LLPH: variants seen among roughly 807,000 people sequenced by gnomAD.
LLPH encodes LLP homolog, long-term synaptic facilitation factor, also known as protein LLP homolog.
A neutral mutation model predicts 13.3 loss-of-function variants in LLPH; 5 were observed. The ratio of observed to expected loss-of-function variants is 0.38; its 90% confidence interval spans 0.20 to 0.79. The LOEUF (loss-of-function observed/expected upper bound fraction) is 0.79. LLPH is among the 30% of genes least tolerant of loss of function. The probability of loss-of-function intolerance (pLI) is 0.45; values close to 1 mark genes in which losing one functional copy is unlikely to be tolerated. For missense variants in LLPH, 129 were observed against 152.1 expected (o/e 0.85, Z 0.80); for synonymous variants, 32 against 44.2 (o/e 0.72, Z 1.09).
In LLPH at chr12:66,117,687, T is replaced by C. The variant is rs961581224; in HGVS notation, c.*6153A>G. On this transcript the variant is annotated 3_prime_UTR_variant, in exon 3 of 3. Coordinates refer to ENST00000266604, the MANE Select transcript of LLPH (RefSeq NM_032338.4). Reference sequence around the variant, plus strand: ...CCAGAAGGTATTGCACAAGAAGGTGTTGCTCTCATAGGAGATGGCAACTCC... The same window carrying C: ...CCAGAAGGTATTGCACAAGAAGGTGCTGCTCTCATAGGAGATGGCAACTCC... 6.6e-6 allele frequency: 1 copy of C among 152,236 alleles called. No individual in the cohort carries two copies. Among genetic ancestry groups the C allele is most frequent in the African/African-American group, 2.4e-5 (1 of 41,464 alleles). 9.4% of individuals were successfully genotyped at this position (152,236 alleles called of 1,614,324 possible). A position where few individuals can be genotyped will look rare whatever the true frequency, so the allele number is the denominator to read the frequency against.
rs1023373695 is a variant in LLPH at position 66,120,650 on chromosome 12, A to G, written c.*3190T>C. On this transcript the variant is annotated 3_prime_UTR_variant, in exon 3 of 3. Coordinates refer to ENST00000266604, the MANE Select transcript of LLPH (RefSeq NM_032338.4). ...TTAGCTCACTCAATCTAATTCCAAAATGATTTGGTGCTTAGCTTGAGCTCC... is the reference window on the plus strand; with the variant it reads ...TTAGCTCACTCAATCTAATTCCAAAGTGATTTGGTGCTTAGCTTGAGCTCC... The G allele has an allele frequency of 1.4e-4, 22 of 152,242 alleles. No individual in the cohort carries two copies. Among genetic ancestry groups the G allele is most frequent in the Non-Finnish European group, 2.8e-4 (19 of 68,036 alleles). The allele number at this position is 152,242 out of a possible 1,614,324, so 9.4% of individuals were successfully genotyped here.
At chr12:66,128,848 C>CAAA (rs71096072) in intron 2 of LLPH, 48 bp downstream of exon 2, 838 of 996,428 alleles carry the variant, frequency 8.4e-4, no homozygotes, top group East Asian at 2.8e-3. Context: ...GACCCTGCCT[C>CAAA]AAAAAAAAAA....
At chr12:66,127,479 G>C (rs1316868124) in intron 2 of LLPH, among the ~76,000 whole-genome samples, 1 of 152,008 alleles carries the variant, frequency 6.6e-6, no homozygotes, top group Non-Finnish European at 1.5e-5. Context: ...CACATGAAAA[G>C]AGCATATTAG....
intron 1 of LLPH, 187 bp downstream of exon 1, chr12:66,130,518 T>C (rs2051528463): frequency 6.6e-6 from 1 of 152,182 alleles, no homozygotes; most frequent in Non-Finnish European, 1.5e-5. Context: ...CTTTATCCAG[T>C]GCACTCGGAA....
rs952671672 is a variant in LLPH, at chr12:66,125,777, T to C, written c.212-1759A>G. ...AATCATCATTGTAGTGCCACACTTT[T>C]AAATACAAACAATGACCACTGATCA... On this transcript the variant is annotated intron_variant, in intron 2 of 2. Transcript: ENST00000266604. Among the ~76,000 whole-genome samples, 14 of 152,200 alleles carry C rather than the reference T, an allele frequency of 9.2e-5. No individual in the cohort carries two copies. In the South Asian group the frequency reaches 2.7e-3, roughly 29 times the overall value.
Position 66,129,028 on chromosome 12 carries a change from T to A in LLPH, c.79A>T (p.Ser27Cys). ...AGTTTGAGAATACTTTTAAGCCTGC[T>A]GGCCTCCTTTGGGGCATTCTTTTTT... ...KRKKNAPKEA[S>C]RLKSILKLDG... Residue 27 changes from serine (S) to cysteine (C), a missense_variant, in exon 2 of 3, where the codon AGC becomes TGC. Transcript: ENST00000266604. 5.0e-6 allele frequency: 8 copies of A among 1,610,968 alleles called. No homozygotes were observed. Among genetic ancestry groups the A allele is most frequent in the Non-Finnish European group, 6.8e-6 (8 of 1,177,186 alleles).
intron 2 of LLPH, among the ~76,000 whole-genome samples, chr12:66,127,045 A>G (rs1477816370): frequency 6.6e-6 from 1 of 152,264 alleles, no homozygotes; most frequent in Non-Finnish European, 1.5e-5. Context: ...ATACCCTCGA[A>G]GATGGCTATA....
chr12:66,119,370 T>A lies in LLPH; in HGVS notation c.*4470A>T, dbSNP rs549445106. On this transcript the variant is annotated 3_prime_UTR_variant, in exon 3 of 3. Transcript: ENST00000266604. ...AATAACTGCAAAAGACTCTTGGCAT[T>A]CAACTGCGGAAAATTTAGGGTTTTG... 5.9e-5 allele frequency: 9 copies of A among 152,330 alleles called. No homozygotes were observed. The highest frequency in any genetic ancestry group is 1.3e-4 in the Non-Finnish European group (9 of 68,028). 9.4% of individuals were successfully genotyped at this position (152,330 alleles called of 1,614,324 possible). A position where few individuals can be genotyped will look rare whatever the true frequency, so the allele number is the denominator to read the frequency against.
At chr12:66,124,433 C>T (rs188334283) in intron 2 of LLPH, among the ~76,000 whole-genome samples, 9 of 152,202 alleles carry the variant, frequency 5.9e-5, no homozygotes, top group South Asian at 2.1e-4. Flanking sequence ...CTAATGAACT[C>T]GATGGAGTAG....
At position 66,121,215 on chromosome 12, in the gene LLPH, G is replaced by A. The variant is rs892925888; in HGVS notation, c.*2625C>T. On this transcript the variant is annotated 3_prime_UTR_variant, in exon 3 of 3. Coordinates refer to ENST00000266604, the MANE Select transcript of LLPH (RefSeq NM_032338.4). The stretch of plus-strand genomic sequence containing the variant: ...AAACATGAACATAACCCTGGCATTG[G>A]TCTCTACCTGACAATGCTGCCAAAA... The A allele has an allele frequency of 6.6e-6, 1 of 151,428 alleles. No homozygotes were observed. The highest frequency in any genetic ancestry group is 2.4e-5 in the African/African-American group (1 of 41,190). 9.4% of individuals were successfully genotyped at this position (151,428 alleles called of 1,614,324 possible).
rs540867665 is a variant in LLPH, at chr12:66,118,832, C to T, written c.*5008G>A. ...CAAATATTTCACCAGTTTATGTAAG[C>T]GATTCGAGCATCTGTGGATTTTGGT... On this transcript the variant is annotated 3_prime_UTR_variant, in exon 3 of 3. Coordinates refer to ENST00000266604, the MANE Select transcript of LLPH (RefSeq NM_032338.4). The T allele has an allele frequency of 2.0e-5, 3 of 152,104 alleles. No homozygotes were observed. The highest frequency in any genetic ancestry group is 4.4e-5 in the Non-Finnish European group (3 of 68,038). 9.4% of individuals were successfully genotyped at this position (152,104 alleles called of 1,614,324 possible).
intron 2 of LLPH, among the ~76,000 whole-genome samples, chr12:66,126,107 G>A (rs1299515457): frequency 6.6e-6 from 1 of 151,600 alleles, no homozygotes; most frequent in Non-Finnish European, 1.5e-5. Flanking sequence ...GGTGGATCAC[G>A]AGGTCAGGAG....
intron 2 of LLPH, 68 bp downstream of exon 2, chr12:66,128,828 A>G: frequency 9.2e-7 from 1 of 1,087,038 alleles, no homozygotes; most frequent in Non-Finnish European, 1.4e-6. Flanking sequence ...CCTAGGTGAC[A>G]GAGGAAGGAG....
At chr12:66,129,145 A>C in intron 1 of LLPH, 32 bp from the exon 2 acceptor site, 1 of 1,402,118 alleles carries the variant, frequency 7.1e-7, no homozygotes, top group East Asian at 2.3e-5. Context: ...ATTCAAAAGC[A>C]AATCTTTAAT....
intron 2 of LLPH, among the ~76,000 whole-genome samples, chr12:66,127,292 T>C (rs1044625551): frequency 6.6e-6 from 1 of 152,212 alleles, no homozygotes; most frequent in Non-Finnish European, 1.5e-5. Flanking sequence ...GTTGAATGGA[T>C]ATGAAACGTG....
intron 2 of LLPH, among the ~76,000 whole-genome samples, chr12:66,125,727 C>T (rs2051492325): frequency 1.3e-5 from 2 of 152,144 alleles, no homozygotes; most frequent in African/African-American, 4.8e-5. Context: ...GACCCTCTCC[C>T]ACACCTTGTC....
chr12:66,129,976 A>T (rs1359051827), intron 1 of LLPH, among the ~76,000 whole-genome samples: 2 of 151,956 alleles, frequency 1.3e-5, no homozygotes, highest in East Asian at 3.9e-4. Flanking sequence ...CCTCATATAT[A>T]TTCAAGATCT....
At chr12:66,126,180 C>T (rs1200931730) in intron 2 of LLPH, among the ~76,000 whole-genome samples, 4 of 151,752 alleles carry the variant, frequency 2.6e-5, no homozygotes, top group Non-Finnish European at 5.9e-5. Context: ...AAAAATTAGC[C>T]GGGTGTGATC....
intron 2 of LLPH, among the ~76,000 whole-genome samples, chr12:66,124,447 G>A (rs2051484170): frequency 6.6e-6 from 1 of 152,180 alleles, no homozygotes; most frequent in South Asian, 2.1e-4. Context: ...GGAGTAGTCA[G>A]CAGCAGGGTT....
Sources: gnomAD v4.1 joint callset for allele counts (sites outside exome capture counted in the v4.1 genomes callset) on GRCh38, gnomAD v4.1.1 for gene constraint, MANE v1.5 for transcripts, NCBI Gene and HGNC (gene_info 2026-07-23, HGNC 2026-07-21) for gene names.